The following GRIN3A variants were observed in gnomAD, a reference collection of about 807,000 sequenced individuals.
GRIN3A encodes the protein glutamate ionotropic receptor NMDA type subunit 3A, also known as glutamate receptor ionotropic, NMDA 3A.
GRIN3A carries 47 observed loss-of-function variants against 92.4 expected under a neutral mutation model. That is an observed-to-expected ratio of 0.51 (90% confidence interval 0.40 to 0.65). GRIN3A has a LOEUF of 0.65. GRIN3A is among the 30% of genes least tolerant of loss of function. GRIN3A has a pLI of 0.00. For synonymous variants in GRIN3A, 527 were observed against 540.6 expected (o/e 0.97, Z 0.35); for missense variants, 1,324 against 1,393.1 (o/e 0.95, Z 0.79).
At chr9:101,576,060 G>A (rs897711549) in intron 8 of GRIN3A, among the ~76,000 whole-genome samples, 1 of 152,206 alleles carries the variant, frequency 6.6e-6, no homozygotes, top group Non-Finnish European at 1.5e-5. Context: ...AATGCTGAGT[G>A]TAAGACTCAG....
chr9:101,596,279 G>A (rs879363220), intron 6 of GRIN3A, among the ~76,000 whole-genome samples: 1 of 152,154 alleles, frequency 6.6e-6, no homozygotes, highest in Admixed American at 6.5e-5. Flanking sequence ...CCATGGATAT[G>A]TTTTAAAGCT....
Position 101,570,104 on chromosome 9 carries a change from T to A in GRIN3A, c.*3070A>T, listed in dbSNP as rs540721391. On this transcript the variant is annotated 3_prime_UTR_variant, in exon 9 of 9. Coordinates refer to ENST00000361820, the MANE Select transcript of GRIN3A (RefSeq NM_133445.3). Reference sequence around the variant, plus strand: ...TGTCCTGGTTATTCTTCCAATTTGTTTTTAAATTTTGGGAGATTCCCCTTT... The same window carrying A: ...TGTCCTGGTTATTCTTCCAATTTGTATTTAAATTTTGGGAGATTCCCCTTT... The A allele has an allele frequency of 6.6e-6, 1 of 152,272 alleles. No homozygotes were observed. The highest frequency in any genetic ancestry group is 1.9e-4 in the East Asian group (1 of 5,182). 9.4% of individuals were successfully genotyped at this position (152,272 alleles called of 1,614,324 possible). A position where few individuals can be genotyped will look rare whatever the true frequency, so the allele number is the denominator to read the frequency against.
chr9:101,655,272 C>A (rs1323421), intron 3 of GRIN3A, among the ~76,000 whole-genome samples: 71,708 of 151,544 alleles, frequency 0.47, 17,161 homozygotes, highest in Middle Eastern at 0.54. Context: ...GGTACATGAC[C>A]TAAAGCAAAA....
Position 101,670,412 on chromosome 9 carries a change from C to A in GRIN3A, c.2000G>T (p.Gly667Val), listed in dbSNP as rs565655141. The change falls in exon 3 of 9, where the codon GGA (glycine) becomes GTA (valine). Residue 667 changes from glycine to valine, a missense_variant. Gly to Val is a moderately radical substitution (Grantham distance 109). Coordinates refer to ENST00000361820, the MANE Select transcript of GRIN3A (RefSeq NM_133445.3). ...CCAGTGGAGTGGCCACATGAAGGCT[C>A]CAATGGGAGCTGCTGTATCTCGGGT... ...VRTRDTAAPI[G>V]AFMWPLHWTM... is the part of the protein sequence containing the mutation. 660 of 1,614,024 alleles carry A rather than the reference C, an allele frequency of 4.1e-4. 5 individuals are homozygous for A. The South Asian group carries it at 6.8e-3, about 17-fold the overall frequency.
chr9:101,595,694 T>C (rs117581572), intron 6 of GRIN3A, among the ~76,000 whole-genome samples: 2 of 152,190 alleles, frequency 1.3e-5, no homozygotes, highest in Admixed American at 6.5e-5. Flanking sequence ...CCGAGGAATA[T>C]AAACAATGCT....
At chr9:101,688,127 C>T (rs2118980775) in intron 1 of GRIN3A, among the ~76,000 whole-genome samples, 1 of 152,144 alleles carries the variant, frequency 6.6e-6, no homozygotes, top group East Asian at 1.9e-4. Flanking sequence ...TATTGGATTG[C>T]TTTTAAGAGC....
At position 101,569,459 on chromosome 9, in the gene GRIN3A, CA is replaced by C. The variant is rs1342285898; in HGVS notation, c.*3714del. On this transcript the variant is annotated 3_prime_UTR_variant, in exon 9 of 9. Transcript: ENST00000361820. ...GGTTGTACAAGAAAAGTGGCTGGAG[CA>C]AAACAGCCCGTTCACTTCATGCTCA... is the stretch of plus-strand genomic sequence containing the variant. The C allele has an allele frequency of 6.6e-6, 1 of 152,156 alleles. No homozygotes were observed. The highest frequency in any genetic ancestry group is 2.4e-5 in the African/African-American group (1 of 41,430). The allele number at this position is 152,156 out of a possible 1,614,324, so 9.4% of individuals were successfully genotyped here. A position where few individuals can be genotyped will look rare whatever the true frequency, so the allele number is the denominator to read the frequency against.
At chr9:101,644,479 C>G (rs912933035) in intron 3 of GRIN3A, among the ~76,000 whole-genome samples, 1 of 116,766 alleles carries the variant, frequency 8.6e-6, no homozygotes, top group African/African-American at 3.0e-5. Context: ...AAAAAAAAAA[C>G]ACAGTGTGAA....
rs1363416293 is a variant in GRIN3A at position 101,573,248 on chromosome 9, C to A, written c.3274G>T (p.Glu1092Ter). 1 of 1,614,106 alleles carries A rather than the reference C, an allele frequency of 6.2e-7. No individual in the cohort carries two copies. Among genetic ancestry groups the A allele is most frequent in the Non-Finnish European group, 8.5e-7 (1 of 1,179,990 alleles). The change falls in exon 9 of 9, where the codon GAG (glutamate) becomes TAG (stop). Residue 1092 changes from glutamate (E) to a stop codon, truncating the protein, a stop_gained. Coordinates refer to ENST00000361820, the MANE Select transcript of GRIN3A (RefSeq NM_133445.3). LOFTEE classifies it high-confidence loss of function. ...TTCCTGCTCACAGCCAGCTGCAGCT[C>A]CTGACGGATCACCTGAATCTGCTTC... Reference protein sequence around the residue: ...LEKQIQVIRQELQLAVSRKTE... With the variant: ...LEKQIQVIRQ
chr9:101,625,063 T>G (rs1405820292), intron 4 of GRIN3A, among the ~76,000 whole-genome samples: 1 of 152,162 alleles, frequency 6.6e-6, no homozygotes. Flanking sequence ...TGCACTATAT[T>G]ATCTCCCCAG....
intron 3 of GRIN3A, among the ~76,000 whole-genome samples, chr9:101,649,507 T>C (rs1002805569): frequency 2.6e-5 from 4 of 152,008 alleles, no homozygotes; most frequent in Non-Finnish European, 5.9e-5. Flanking sequence ...AGAATGAATC[T>C]ACGCCTCCAA....
intron 6 of GRIN3A, among the ~76,000 whole-genome samples, chr9:101,604,182 G>A (rs1386591473): frequency 6.6e-6 from 1 of 151,800 alleles, no homozygotes; most frequent in African/African-American, 2.4e-5. Context: ...AAGGGAAGGA[G>A]GGAGAAAGAG....
chr9:101,592,076 CA>C, intron 6 of GRIN3A: 1 of 152,194 alleles, frequency 6.6e-6, no homozygotes, highest in Non-Finnish European at 1.5e-5. Context: ...AATTCCTCCA[CA>C]AAAAGTTAAA....
intron 6 of GRIN3A, among the ~76,000 whole-genome samples, chr9:101,598,646 A>T (rs1360843979): frequency 6.6e-6 from 1 of 152,162 alleles, no homozygotes; most frequent in Non-Finnish European, 1.5e-5. Context: ...CATTGCTATT[A>T]TTACTAATTT....
At chr9:101,594,763 C>T (rs1256188605) in intron 6 of GRIN3A, 39 of 1,613,948 alleles carry the variant, frequency 2.4e-5, no homozygotes, top group South Asian at 4.4e-5. Context: ...GCCGCACCAA[C>T]GGGTTGTGGC....
At chr9:101,628,194 A>C (rs1828660407) in intron 4 of GRIN3A, 62 bp downstream of exon 4, 2 of 1,532,770 alleles carry the variant, frequency 1.3e-6, no homozygotes, top group South Asian at 2.2e-5. Context: ...ATACTGCGTC[A>C]GTAGCTAAAT....
At chr9:101,625,884 T>C (rs1828628554) in intron 4 of GRIN3A, among the ~76,000 whole-genome samples, 2 of 152,306 alleles carry the variant, frequency 1.3e-5, no homozygotes, top group Middle Eastern at 6.8e-3. Context: ...AATATGACAA[T>C]AAAAAAGATG....
At chr9:101,688,496 G>T (rs549920473) in intron 1 of GRIN3A, among the ~76,000 whole-genome samples, 1 of 152,150 alleles carries the variant, frequency 6.6e-6, no homozygotes, top group Non-Finnish European at 1.5e-5. Flanking sequence ...AAAACAGAGC[G>T]TTGGAAAAAT....
intron 3 of GRIN3A, among the ~76,000 whole-genome samples, chr9:101,669,773 G>C (rs1829292635): frequency 6.6e-6 from 1 of 152,002 alleles, no homozygotes; most frequent in South Asian, 2.1e-4. Flanking sequence ...CTATCTATCA[G>C]ATGGTCAAAT....
Sources: gnomAD v4.1 joint callset for allele counts (sites outside exome capture counted in the v4.1 genomes callset) on GRCh38, gnomAD v4.1.1 for gene constraint, MANE v1.5 for transcripts, NCBI Gene and HGNC (gene_info 2026-07-23, HGNC 2026-07-21) for gene names.